Variants in NRG1 observed in about 807,000 individuals in gnomAD.
NRG1 encodes the protein pro-neuregulin-1, membrane-bound isoform.
In NRG1, 18 loss-of-function variants were observed where a neutral mutation model predicts 63.8. That is an observed-to-expected ratio of 0.28 (90% CI 0.19 to 0.42). NRG1 has a LOEUF of 0.42. NRG1 is among the 10% of genes least tolerant of loss of function. The pLI, the probability that NRG1 is intolerant of heterozygous loss-of-function variation, is 1.00. For synonymous variants in NRG1, 302 were observed against 301.3 expected (o/e 1.00, Z -0.02); for missense variants, 762 against 814.7 (o/e 0.94, Z 0.79).
At chr8:31,714,306 G>A (rs1271438783) in intron 1 of NRG1, among the ~76,000 whole-genome samples, 1 of 151,744 alleles carries the variant, frequency 6.6e-6, no homozygotes, top group African/African-American at 2.4e-5. Context: ...TGACATTTTG[G>A]GATAATTTTA....
intron 1 of NRG1, among the ~76,000 whole-genome samples, chr8:32,423,650 A>G (rs1373165936): frequency 8.5e-5 from 13 of 152,144 alleles, no homozygotes; most frequent in East Asian, 3.9e-4. Flanking sequence ...TGTCTCAAAA[A>G]ATGATAATAA....
At chr8:32,713,071 C>A (rs1318440607) in intron 5 of NRG1, among the ~76,000 whole-genome samples, 2 of 152,282 alleles carry the variant, frequency 1.3e-5, no homozygotes, top group Non-Finnish European at 1.5e-5. Flanking sequence ...TCTCTTTCGA[C>A]CTTTGTGTAT....
intron 1 of NRG1, among the ~76,000 whole-genome samples, chr8:32,509,913 C>A (rs1392090137): frequency 6.6e-6 from 1 of 152,088 alleles, no homozygotes; most frequent in South Asian, 2.1e-4. Context: ...ACTCTCCTTT[C>A]ATTCAGACCC....
intron 6 of NRG1, among the ~76,000 whole-genome samples, chr8:32,735,923 T>G (rs994779621): frequency 3.9e-5 from 6 of 152,170 alleles, no homozygotes; most frequent in Non-Finnish European, 5.9e-5. Context: ...GTTTTGTTTT[T>G]TTCTCAGCAT....
At chr8:31,657,983 G>C (rs1295076721) in intron 1 of NRG1, among the ~76,000 whole-genome samples, 4 of 152,164 alleles carry the variant, frequency 2.6e-5, no homozygotes, top group African/African-American at 9.7e-5. Flanking sequence ...TGTTGCTAAA[G>C]GTAGACTTTC....
chr8:32,486,321 T>C (rs1430329838), intron 1 of NRG1, among the ~76,000 whole-genome samples: 3 of 152,094 alleles, frequency 2.0e-5, no homozygotes, highest in African/African-American at 7.2e-5. Flanking sequence ...GCTAACAAAT[T>C]CCAGGCACCT....
rs146061116 is a variant in NRG1, at chr8:32,306,183, T to C, written c.38-289645T>C. 5.7e-3 allele frequency among the ~76,000 whole-genome samples: 874 copies of C among 152,270 alleles called. 17 individuals are homozygous for C. The highest frequency in any genetic ancestry group is 2.3e-3 in the Non-Finnish European group (157 of 68,024). On this transcript the variant is annotated intron_variant, in intron 1 of 10. Coordinates refer to the NRG1 transcript ENST00000519301. ...AGATGGCCATAATAAGTAATGAGAG[T>C]GTGCATTTGTAAATGTCTGTCACCA...
At chr8:32,758,454 G>A (rs938744339) in intron 9 of NRG1, among the ~76,000 whole-genome samples, 5 of 151,830 alleles carry the variant, frequency 3.3e-5, no homozygotes, top group African/African-American at 1.2e-4. Context: ...GCATATGCCT[G>A]TAATCCCAAC....
At chr8:32,172,049 T>A (rs1840120682) in intron 1 of NRG1, among the ~76,000 whole-genome samples, 2 of 152,104 alleles carry the variant, frequency 1.3e-5, no homozygotes, top group Non-Finnish European at 2.9e-5. Context: ...GACTGCCTCC[T>A]CAAGTGCGTC....
intron 1 of NRG1, among the ~76,000 whole-genome samples, chr8:31,973,011 T>C (rs1035405210): frequency 6.6e-6 from 1 of 152,188 alleles, no homozygotes; most frequent in Non-Finnish European, 1.5e-5. Flanking sequence ...TGGGGAGAAA[T>C]GTAGCATCTG....
chr8:31,931,618 T>G (rs1834871099), intron 1 of NRG1, among the ~76,000 whole-genome samples: 1 of 152,110 alleles, frequency 6.6e-6, no homozygotes, highest in Non-Finnish European at 1.5e-5. Flanking sequence ...TCTGAAAAAA[T>G]AAACACATGA....
intron 1 of NRG1, among the ~76,000 whole-genome samples, chr8:31,932,066 G>T (rs570227282): frequency 2.6e-5 from 4 of 152,020 alleles, no homozygotes; most frequent in African/African-American, 9.7e-5. Flanking sequence ...AAAAAGGAAG[G>T]CTCATCTCCT....
chr8:31,792,134 C>T (rs1020478283), intron 1 of NRG1, among the ~76,000 whole-genome samples: 1 of 152,136 alleles, frequency 6.6e-6, no homozygotes, highest in African/African-American at 2.4e-5. Flanking sequence ...AGTGCTCATC[C>T]TTGTCACCTC....
chr8:31,799,474 T>C (rs1257007607), intron 1 of NRG1, among the ~76,000 whole-genome samples: 1 of 152,096 alleles, frequency 6.6e-6, no homozygotes, highest in Non-Finnish European at 1.5e-5. Flanking sequence ...TTTTAGAGAA[T>C]TTACTACCTT....
chr8:31,851,541 T>G (rs1454279749), intron 1 of NRG1, among the ~76,000 whole-genome samples: 1 of 152,192 alleles, frequency 6.6e-6, no homozygotes, highest in Non-Finnish European at 1.5e-5. Context: ...AGTGCAAAAG[T>G]AATTGCAGTT....
intron 1 of NRG1, among the ~76,000 whole-genome samples, chr8:32,306,878 A>G (rs1225257397): frequency 6.6e-6 from 1 of 152,236 alleles, no homozygotes; most frequent in African/African-American, 2.4e-5. Flanking sequence ...CTGGGGTTTT[A>G]TCACTTATAT....
rs55859430 is a variant in NRG1, at chr8:31,729,237, GTTT to G, written c.37+89818_37+89820del. Among the ~76,000 whole-genome samples the G allele has an allele frequency of 8.7e-3, 1,302 of 149,740 alleles. 6 individuals are homozygous for G. The highest frequency in any genetic ancestry group is 0.025 in the South Asian group (118 of 4,718). ...GGTGGGATTTAAACAAATAAACAAA[GTTT>G]TTTTTTTTTTTCCTTTTTATGCTAC... is the stretch of plus-strand genomic sequence containing the variant. On this transcript the variant is annotated intron_variant, in intron 1 of 10. Coordinates refer to the NRG1 transcript ENST00000519301.
intron 1 of NRG1, among the ~76,000 whole-genome samples, chr8:31,776,459 A>T (rs2131593813): frequency 6.6e-6 from 1 of 152,266 alleles, no homozygotes; most frequent in Non-Finnish European, 1.5e-5. Flanking sequence ...AGAATATGTG[A>T]GGTAATGGAG....
At chr8:32,545,686 G>A (rs1255376248), upstream of NRG1, among the ~76,000 whole-genome samples, 3 of 151,700 alleles carry the variant, frequency 2.0e-5, no homozygotes, top group Non-Finnish European at 4.4e-5. Context: ...CTTTTAGCTG[G>A]CCATAAATAA....
Sources: gnomAD v4.1 joint callset for allele counts (sites outside exome capture counted in the v4.1 genomes callset) on GRCh38, gnomAD v4.1.1 for gene constraint, MANE v1.5 for transcripts, NCBI Gene and HGNC (gene_info 2026-07-23, HGNC 2026-07-21) for gene names.